The following PCDHA6 variants were observed in gnomAD, a reference collection of about 807,000 sequenced individuals.
PCDHA6 encodes protocadherin alpha-6.
Under a neutral mutation model 60.3 loss-of-function variants are expected in PCDHA6, and 55 were observed. That is an observed-to-expected ratio of 0.91 (90% CI 0.73 to 1.14). PCDHA6 has a LOEUF of 1.14. Among genes scored for constraint, PCDHA6 ranks in the 50% most tolerant of loss-of-function variants. PCDHA6 has a pLI of 0.00. For synonymous variants in PCDHA6, 652 were observed against 557.9 expected, an observed-to-expected ratio of 1.17 and a Z score of -2.38; for missense variants, 1,327 against 1,256.5, an observed-to-expected ratio of 1.06 and a Z score of -0.85.
chr5:140,951,933 A>T (rs2094659165), intron 1 of PCDHA6, among the ~76,000 whole-genome samples: 1 of 152,164 alleles, frequency 6.6e-6, no homozygotes, highest in African/African-American at 2.4e-5. Context: ...TACTCCCAAG[A>T]TACAGTGCGG....
chr5:140,910,381 TG>T (rs2075003327), intron 1 of PCDHA6, among the ~76,000 whole-genome samples: 1 of 152,188 alleles, frequency 6.6e-6, no homozygotes, highest in Admixed American at 6.5e-5. Context: ...ACCTTGCCTT[TG>T]ACAGTTGACT....
Position 140,829,861 on chromosome 5 carries a change from G to A in PCDHA6, c.1770G>A (p.Val590=), listed in dbSNP as rs200510937. 1 of 1,613,956 alleles carries A rather than the reference G, an allele frequency of 6.2e-7. No homozygotes were observed. The highest frequency in any genetic ancestry group is 2.2e-5 in the East Asian group (1 of 44,866). Residue 590 remains valine (V), a synonymous_variant, in exon 1 of 4, where the codon GTG becomes GTA. Coordinates refer to ENST00000529310, the MANE Select transcript of PCDHA6 (RefSeq NM_018909.4). The part of the protein sequence containing the change: ...LVPRSLGAGQ[V]VAKVRAVDAD... ...CGCGGTCACTGGGTGCAGGCCAAGT[G>A]GTGGCGAAGGTGCGCGCAGTTGACG...
chr5:140,906,629 C>T (rs1554192599), intron 1 of PCDHA6, among the ~76,000 whole-genome samples: 1 of 152,222 alleles, frequency 6.6e-6, no homozygotes, highest in Non-Finnish European at 1.5e-5. Context: ...CTTCAGCAAG[C>T]ACCTCAGCAG....
intron 3 of PCDHA6, 34 bp from the exon 4 acceptor site, chr5:141,009,593 C>T (rs1219056557): frequency 6.2e-7 from 1 of 1,601,902 alleles, no homozygotes; most frequent in Non-Finnish European, 8.5e-7. Context: ...CATGTGTTGA[C>T]CCTGTTAATG....
intron 1 of PCDHA6, among the ~76,000 whole-genome samples, chr5:140,915,901 G>A (rs1339531688): frequency 1.3e-5 from 2 of 152,250 alleles, no homozygotes; most frequent in East Asian, 1.9e-4. Flanking sequence ...CCTGGCCCTG[G>A]GCAGGCCCAG....
intron 1 of PCDHA6, among the ~76,000 whole-genome samples, chr5:140,905,958 G>C (rs1554192269): frequency 6.6e-6 from 1 of 152,184 alleles, no homozygotes; most frequent in African/African-American, 2.4e-5. Context: ...GATGTTCAAG[G>C]GGAGGAAGAT....
chr5:140,882,596 G>C, intron 1 of PCDHA6: 1 of 1,614,248 alleles, frequency 6.2e-7, no homozygotes, highest in Non-Finnish European at 8.5e-7. Context: ...GGAGGTGATC[G>C]TGGACAGGCC....
chr5:140,927,907 G>T, intron 1 of PCDHA6: 1 of 1,614,156 alleles, frequency 6.2e-7, no homozygotes, highest in Non-Finnish European at 8.5e-7. Context: ...TCATGCCCCC[G>T]AACTGGACTT....
chr5:140,856,672 G>A (rs1356609367), intron 1 of PCDHA6: 2 of 1,597,818 alleles, frequency 1.3e-6, no homozygotes, highest in East Asian at 4.5e-5. Flanking sequence ...CTCAGCTAAA[G>A]TTGTTGTTGA....
At chr5:140,990,354 G>GA (rs1554251439) in intron 3 of PCDHA6, among the ~76,000 whole-genome samples, 1 of 152,158 alleles carries the variant, frequency 6.6e-6, no homozygotes, top group Non-Finnish European at 1.5e-5. Context: ...GCCCTGTACA[G>GA]AAAATCTAAT....
intron 1 of PCDHA6, chr5:140,967,098 G>C: frequency 6.2e-7 from 1 of 1,613,130 alleles, no homozygotes; most frequent in Non-Finnish European, 8.5e-7. Flanking sequence ...GAGGCGCTGT[G>C]TGAGCAGCGG....
intron 3 of PCDHA6, among the ~76,000 whole-genome samples, chr5:141,000,500 T>A (rs1440390927): frequency 5.7e-5 from 8 of 140,516 alleles, no homozygotes; most frequent in Non-Finnish European, 1.2e-4. Context: ...AGATCTCGGC[T>A]CACTGCAACC....
At chr5:140,926,204 G>C (rs888951769) in intron 1 of PCDHA6, among the ~76,000 whole-genome samples, 1 of 151,802 alleles carries the variant, frequency 6.6e-6, no homozygotes, top group South Asian at 2.2e-4. Context: ...CTTTCGGGGG[G>C]CTCCTGTTTC....
chr5:140,967,508 C>G (rs2096150874), intron 1 of PCDHA6: 2 of 1,612,712 alleles, frequency 1.2e-6, no homozygotes, highest in Non-Finnish European at 1.7e-6. Flanking sequence ...TGTGCGTGTC[C>G]TGGACACTAA....
chr5:140,975,686 A>G (rs558112597), intron 1 of PCDHA6, among the ~76,000 whole-genome samples: 1 of 152,328 alleles, frequency 6.6e-6, no homozygotes, highest in East Asian at 1.9e-4. Flanking sequence ...AAAATAGGGT[A>G]TTTTAAACTT....
At chr5:140,968,657 G>C in intron 1 of PCDHA6, 1 of 1,614,142 alleles carries the variant, frequency 6.2e-7, no homozygotes, top group Non-Finnish European at 8.5e-7. Context: ...TTCTGACCTG[G>C]ACCTCTTTAA....
chr5:140,967,865 C>G, intron 1 of PCDHA6: 1 of 1,614,164 alleles, frequency 6.2e-7, no homozygotes, highest in Non-Finnish European at 8.5e-7. Flanking sequence ...AGAGGTGGTG[C>G]TCACGGACCT....
At chr5:140,832,436 T>G in intron 1 of PCDHA6, among the ~76,000 whole-genome samples, 1 of 152,222 alleles carries the variant, frequency 6.6e-6, no homozygotes, top group South Asian at 2.1e-4. Context: ...TGATAATTTT[T>G]AAGCGTGTAA....
chr5:140,884,020 G>C (rs61734917), intron 1 of PCDHA6: 236 of 1,613,292 alleles, frequency 1.5e-4, no homozygotes, highest in Non-Finnish European at 1.9e-4. Flanking sequence ...TGCCGCGGTC[G>C]GTGGGTGCAG....
Sources: allele counts gnomAD v4.1 joint callset (sites outside exome capture counted in the v4.1 genomes callset), GRCh38; gene constraint gnomAD v4.1.1; transcripts MANE v1.5; gene names NCBI Gene and HGNC (gene_info 2026-07-23, HGNC 2026-07-21).